The following ARIH1 variants were observed in gnomAD, a reference collection of about 807,000 sequenced individuals.
ARIH1 encodes the protein E3 ubiquitin-protein ligase ARIH1.
ARIH1 carries 8 observed loss-of-function variants against 85.0 expected under a neutral mutation model. The observed-to-expected ratio is 0.09, with a 90% CI of 0.06 to 0.17. ARIH1 has a LOEUF of 0.17. Ranked by LOEUF, ARIH1 falls within the 10% of genes least tolerant of loss-of-function variation. The pLI is 1.00. For missense variants in ARIH1, 311 were observed against 718.1 expected, an observed-to-expected ratio of 0.43 and a Z score of 6.48; for synonymous variants, 238 against 253.6, an observed-to-expected ratio of 0.94 and a Z score of 0.59.
chr15:72,573,436 T>G (rs1168655694), intron 11 of ARIH1, among the ~76,000 whole-genome samples: 1 of 151,968 alleles, frequency 6.6e-6, no homozygotes, highest in South Asian at 2.1e-4. Flanking sequence ...TGGCTTGCAC[T>G]TGTAATCCCA....
rs892361999 is a variant in ARIH1 at position 72,598,688 on chromosome 15, T to C, written c.*15396T>C. On this transcript the variant is annotated 3_prime_UTR_variant, in exon 14 of 14. Transcript: ENST00000379887. ...GAGATTGTGCCACTGCACTCCAGCC[T>C]GGGTGACAGAGCAAGACTCCCTCTC... The C allele has an allele frequency of 8.3e-5, 12 of 145,094 alleles. No homozygotes were observed. Among genetic ancestry groups the C allele is most frequent in the African/African-American group, 2.5e-4 (10 of 40,200 alleles). 9.0% of individuals were successfully genotyped at this position (145,094 alleles called of 1,614,324 possible). A position where few individuals can be genotyped will look rare whatever the true frequency, so the allele number is the denominator to read the frequency against.
intron 1 of ARIH1, among the ~76,000 whole-genome samples, chr15:72,500,253 C>T (rs1486069409): frequency 6.6e-6 from 1 of 152,058 alleles, no homozygotes; most frequent in African/African-American, 2.4e-5. Context: ...CACCACCACG[C>T]CCAGCTAATT....
intron 2 of ARIH1, among the ~76,000 whole-genome samples, chr15:72,528,037 G>A (rs1233988445): frequency 6.6e-6 from 1 of 152,152 alleles, no homozygotes; most frequent in African/African-American, 2.4e-5. Context: ...TTTAGAAACA[G>A]CATCAACAAT....
rs2064353221 is a variant in ARIH1, at chr15:72,594,071, T to A, written c.*10779T>A. 1 of 152,164 alleles carries A rather than the reference T, an allele frequency of 6.6e-6. No homozygotes were observed. The highest frequency in any genetic ancestry group is 2.1e-4 in the South Asian group (1 of 4,838). The allele number at this position is 152,164 out of a possible 1,614,324, so 9.4% of individuals were successfully genotyped here. Reference sequence around the variant, plus strand: ...ATTAAATTTTTTTCTCAGCAATGTTTTGTAGCTTCCCTTGCGTAACACTTG... The same window carrying A: ...ATTAAATTTTTTTCTCAGCAATGTTATGTAGCTTCCCTTGCGTAACACTTG... On this transcript the variant is annotated 3_prime_UTR_variant, in exon 14 of 14. Transcript: ENST00000379887.
rs185818232 is a variant in ARIH1, at chr15:72,573,078, T to C, written c.1215+913T>C. On this transcript the variant is annotated intron_variant, in intron 11 of 13. Coordinates refer to ENST00000379887, the MANE Select transcript of ARIH1 (RefSeq NM_005744.5). ...AAATTCCCCAGTTGTCCCAGAAATA[T>C]TCTTTTCAAATGATTTTCCTAGCCA... Among the ~76,000 whole-genome samples, 194 of 152,364 alleles carry C rather than the reference T, an allele frequency of 1.3e-3. 1 individual carries two copies. The highest frequency in any genetic ancestry group is 4.5e-3 in the African/African-American group (188 of 41,586).
At chr15:72,557,078 C>CCAACATCTGTTA in intron 5 of ARIH1, among the ~76,000 whole-genome samples, 1 of 151,752 alleles carries the variant, frequency 6.6e-6, no homozygotes, top group Non-Finnish European at 1.5e-5. Context: ...TGTGATCTCA[C>CCAACATCTGTTA]CAACATCTGT....
intron 11 of ARIH1, among the ~76,000 whole-genome samples, chr15:72,575,052 G>A (rs2064264398): frequency 6.6e-6 from 1 of 151,818 alleles, no homozygotes; most frequent in Non-Finnish European, 1.5e-5. Context: ...GAGCCATGAT[G>A]ACGCCACCCC....
At chr15:72,484,171 CAAAAA>C (rs35300595) in intron 1 of ARIH1, among the ~76,000 whole-genome samples, 17 of 117,660 alleles carry the variant, frequency 1.4e-4, no homozygotes, top group Admixed American at 1.7e-4. Flanking sequence ...GAAACTCCAT[CAAAAA>C]AAAAAAAAAA....
rs2064237220 is a variant in ARIH1 at position 72,570,281 on chromosome 15, C to T, written c.1131C>T (p.Gly377=). The T allele has an allele frequency of 6.2e-7, 1 of 1,613,904 alleles. No homozygotes were observed. The highest frequency in any genetic ancestry group is 8.5e-7 in the Non-Finnish European group (1 of 1,179,972). Reference sequence around the variant, plus strand: ...CAGAGTTTTGCTGGGTGTGTCTTGGCCCATGGGAACCACATGGATCTGCCT... The same window carrying T: ...CAGAGTTTTGCTGGGTGTGTCTTGGTCCATGGGAACCACATGGATCTGCCT... ...CKAEFCWVCL[G]PWEPHGSAWY... Residue 377 remains glycine (G), a synonymous_variant, in exon 10 of 14, where the codon GGC becomes GGT. Coordinates refer to ENST00000379887, the MANE Select transcript of ARIH1 (RefSeq NM_005744.5).
intron 1 of ARIH1, among the ~76,000 whole-genome samples, chr15:72,512,852 CTT>C (rs1026993160): frequency 2.9e-4 from 44 of 152,124 alleles, no homozygotes; most frequent in African/African-American, 1.1e-3. Context: ...GTTGAAATCT[CTT>C]AAGTATAATT....
chr15:72,475,061 G>A, intron 1 of ARIH1, 47 bp downstream of exon 1: 1 of 1,543,684 alleles, frequency 6.5e-7, no homozygotes, highest in Non-Finnish European at 8.8e-7. Context: ...ACGGGGGAGC[G>A]GATTCAGGCG....
At chr15:72,570,146 T>G in intron 9 of ARIH1, 31 bp from the exon 10 acceptor site, 1 of 1,611,668 alleles carries the variant, frequency 6.2e-7, no homozygotes, top group East Asian at 2.2e-5. Context: ...TAGTGTAGCA[T>G]TGACACCAAC....
At chr15:72,503,523 CAT>C (rs1159810522) in intron 1 of ARIH1, among the ~76,000 whole-genome samples, 1 of 152,162 alleles carries the variant, frequency 6.6e-6, no homozygotes, top group Non-Finnish European at 1.5e-5. Context: ...CTCCTGGAGA[CAT>C]ATTCCTATAG....
chr15:72,510,956 T>C (rs2063948273), intron 1 of ARIH1, among the ~76,000 whole-genome samples: 1 of 152,008 alleles, frequency 6.6e-6, no homozygotes. Context: ...ATTTGGCCAC[T>C]CTAGTTTCCT....
At chr15:72,564,056 A>G (rs543229444) in intron 7 of ARIH1, among the ~76,000 whole-genome samples, 8 of 152,238 alleles carry the variant, frequency 5.3e-5, no homozygotes, top group Middle Eastern at 6.8e-3. Flanking sequence ...AGGCTCCTTT[A>G]TAGGTGTTCT....
chr15:72,490,090 C>T (rs1009447252), intron 1 of ARIH1, among the ~76,000 whole-genome samples: 4 of 151,766 alleles, frequency 2.6e-5, no homozygotes, highest in African/African-American at 7.3e-5. Flanking sequence ...AGGCCAGTCA[C>T]GGTGGTTCAA....
In ARIH1 at chr15:72,532,645, A is replaced by G. The variant is rs545231858; in HGVS notation, c.444-12175A>G. Among the ~76,000 whole-genome samples, 29 of 152,334 alleles carry G rather than the reference A, an allele frequency of 1.9e-4. No homozygotes were observed. The South Asian group carries it at 5.8e-3, about 31-fold the overall frequency. On this transcript the variant is annotated intron_variant, in intron 2 of 13. Coordinates refer to ENST00000379887, the MANE Select transcript of ARIH1 (RefSeq NM_005744.5). ...ATGTACATAGATACAAAAAAACCAT[A>G]CATACACACACGCACGCACACAAAA...
intron 2 of ARIH1, among the ~76,000 whole-genome samples, chr15:72,530,825 A>G (rs1478955545): frequency 1.3e-5 from 2 of 152,226 alleles, no homozygotes; most frequent in Admixed American, 1.3e-4. Context: ...AAATCAAACA[A>G]TGATCCAGAA....
chr15:72,482,097 A>C (rs907304611), intron 1 of ARIH1, among the ~76,000 whole-genome samples: 1 of 152,260 alleles, frequency 6.6e-6, no homozygotes, highest in East Asian at 1.9e-4. Flanking sequence ...TGGCCTCCCA[A>C]AGTGCTGGGA....
Sources: allele counts gnomAD v4.1 joint callset (sites outside exome capture counted in the v4.1 genomes callset), GRCh38; gene constraint gnomAD v4.1.1; transcripts MANE v1.5; gene names NCBI Gene and HGNC (gene_info 2026-07-23, HGNC 2026-07-21).